Variants in USP46 observed in about 807,000 individuals in gnomAD.
The protein encoded by USP46 is ubiquitin specific peptidase 46, also known as ubiquitin carboxyl-terminal hydrolase 46.
A neutral mutation model predicts 44.4 loss-of-function variants in USP46; 12 were observed. The ratio of observed to expected loss-of-function variants is 0.27; its 90% confidence interval spans 0.17 to 0.44. The LOEUF (loss-of-function observed/expected upper bound fraction) is 0.44, where lower values mean the gene tolerates loss of function less well. Among genes scored for constraint, USP46 ranks in the 20% least tolerant of loss-of-function variants. The probability of loss-of-function intolerance (pLI) is 1.00; values close to 1 mark genes in which losing one functional copy is unlikely to be tolerated. For missense variants in USP46, 248 were observed against 444.8 expected, an observed-to-expected ratio of 0.56 and a Z score of 3.98; for synonymous variants, 155 against 161.5, an observed-to-expected ratio of 0.96 and a Z score of 0.31.
chr4:52,614,674 G>A (rs1217655583), intron 4 of USP46, among the ~76,000 whole-genome samples: 3 of 152,176 alleles, frequency 2.0e-5, no homozygotes, highest in Admixed American at 2.0e-4. Flanking sequence ...ACACCAGTTT[G>A]AAATCCAGAT....
intron 2 of USP46, 60 bp downstream of exon 2, chr4:52,631,004 G>T: frequency 7.2e-7 from 1 of 1,393,646 alleles, no homozygotes; most frequent in Non-Finnish European, 9.9e-7. Context: ...TGCACTTAAA[G>T]TGGAGTTGCT....
At chr4:52,634,994 G>A (rs1718057114) in intron 1 of USP46, among the ~76,000 whole-genome samples, 1 of 151,934 alleles carries the variant, frequency 6.6e-6, no homozygotes, top group African/African-American at 2.4e-5. Context: ...TAGACACCCT[G>A]GATCTGGCCA....
In USP46 at chr4:52,631,115, G is replaced by C. The variant is rs759724456; in HGVS notation, c.66C>G (p.Asp22Glu). ...MGTNASALEK[D>E]IGPEQFPINE... ...TGATTGGAAACTGCTCTGGACCAATGTCTTTTTCCAGAGCAGAGGCATTGG... is the reference window on the plus strand; with the variant it reads ...TGATTGGAAACTGCTCTGGACCAATCTCTTTTTCCAGAGCAGAGGCATTGG... The change falls in exon 2 of 9, where the codon GAC (aspartate) becomes GAG (glutamate). Residue 22 changes from aspartate to glutamate, a missense_variant. Physicochemically the swap from Asp to Glu is conservative, Grantham distance 45. Transcript: ENST00000441222. 6.4e-7 allele frequency: 1 copy of C among 1,566,604 alleles called. No homozygotes were observed. Among genetic ancestry groups the C allele is most frequent in the Non-Finnish European group, 8.7e-7 (1 of 1,153,638 alleles).
chr4:52,645,149 C>T (rs1252198873), intron 1 of USP46, among the ~76,000 whole-genome samples: 2 of 149,620 alleles, frequency 1.3e-5, no homozygotes, highest in Non-Finnish European at 3.0e-5. Context: ...AGCTTGAACC[C>T]GGGAGGCAGA....
At chr4:52,622,005 G>A (rs1421619437) in intron 4 of USP46, among the ~76,000 whole-genome samples, 2 of 152,174 alleles carry the variant, frequency 1.3e-5, no homozygotes, top group African/African-American at 2.4e-5. Flanking sequence ...AGCAAGTTTA[G>A]AAGAATACAT....
Position 52,598,474 on chromosome 4 carries a change from G to A in USP46, c.999+154C>T, listed in dbSNP as rs563273843. 427 of 708,514 alleles carry A rather than the reference G, an allele frequency of 6.0e-4. 2 individuals carry two copies. In the Middle Eastern group the frequency reaches 0.011, roughly 18 times the overall value. 43.9% of individuals were successfully genotyped at this position (708,514 alleles called of 1,614,324 possible). On this transcript the variant is annotated intron_variant, in intron 8 of 8. Transcript: ENST00000441222. Reference sequence around the variant, plus strand: ...CCCTTCTCCCTTTCCATGGAGCATGGGGATTAGCAGAATTTGGTTTTGAAT... The same window carrying A: ...CCCTTCTCCCTTTCCATGGAGCATGAGGATTAGCAGAATTTGGTTTTGAAT...
chr4:52,638,201 G>A (rs1199139385), intron 1 of USP46, among the ~76,000 whole-genome samples: 2 of 152,188 alleles, frequency 1.3e-5, no homozygotes, highest in African/African-American at 4.8e-5. Context: ...CTTCAAGAGA[G>A]GGAGGCAAGA....
intron 6 of USP46, among the ~76,000 whole-genome samples, chr4:52,603,477 C>T (rs189021462): frequency 6.6e-6 from 1 of 152,292 alleles, no homozygotes; most frequent in East Asian, 1.9e-4. Context: ...CAGTATTGAG[C>T]ATCTGCCAGC....
chr4:52,613,542 T>C lies in USP46; in HGVS notation c.562-2925A>G, dbSNP rs533336265. On this transcript the variant is annotated intron_variant, in intron 4 of 8. Transcript: ENST00000441222. ...TTGGAGGCCAGCCTGGCCAAGATGATAAAGCCCCGTCTCTACTAAAAATAC... is the reference window on the plus strand; with the variant it reads ...TTGGAGGCCAGCCTGGCCAAGATGACAAAGCCCCGTCTCTACTAAAAATAC... Among the ~76,000 whole-genome samples, 5 of 152,058 alleles carry C rather than the reference T, an allele frequency of 3.3e-5. No homozygotes were observed. The East Asian group carries it at 9.7e-4, about 29-fold the overall frequency.
intron 1 of USP46, among the ~76,000 whole-genome samples, chr4:52,648,172 G>C (rs1009740903): frequency 6.6e-6 from 1 of 152,142 alleles, no homozygotes; most frequent in Non-Finnish European, 1.5e-5. Context: ...TCAGCCATGT[G>C]CTCACTTGCC....
intron 1 of USP46, among the ~76,000 whole-genome samples, chr4:52,652,146 C>A (rs1277868263): frequency 6.6e-6 from 1 of 152,150 alleles, no homozygotes; most frequent in African/African-American, 2.4e-5. Flanking sequence ...AGATGTTCAA[C>A]CTCCCCTAGC....
At chr4:52,598,823 A>C (rs1716344820) in intron 7 of USP46, 117 bp from the exon 8 acceptor site, 2 of 937,442 alleles carry the variant, frequency 2.1e-6, no homozygotes, top group Non-Finnish European at 3.2e-6. Context: ...CATCAGCGTA[A>C]AGAACTTGGC....
intron 1 of USP46, among the ~76,000 whole-genome samples, chr4:52,632,936 GAA>G (rs1189296864): frequency 8.5e-5 from 5 of 58,758 alleles, no homozygotes; most frequent in African/African-American, 2.6e-4. Flanking sequence ...AAGAAAGAAA[GAA>G]AGAAAGAAAG....
At chr4:52,652,238 T>A (rs1035995305) in intron 1 of USP46, among the ~76,000 whole-genome samples, 3 of 152,110 alleles carry the variant, frequency 2.0e-5, no homozygotes, top group African/African-American at 7.2e-5. Flanking sequence ...TCTAGCAATA[T>A]CAAATATCTG....
At chr4:52,654,116 G>T (rs80099190) in intron 1 of USP46, among the ~76,000 whole-genome samples, 2,518 of 152,206 alleles carry the variant, frequency 0.017, 66 homozygotes, top group African/African-American at 0.056. Flanking sequence ...GTCAGGTCCC[G>T]ACCTAATATA....
chr4:52,619,075 G>A (rs538329173), intron 4 of USP46, among the ~76,000 whole-genome samples: 12 of 152,160 alleles, frequency 7.9e-5, no homozygotes, highest in East Asian at 5.8e-4. Flanking sequence ...CAAATCTTAC[G>A]AACCAAACAA....
At chr4:52,611,491 A>G (rs908088710) in intron 4 of USP46, among the ~76,000 whole-genome samples, 1 of 152,216 alleles carries the variant, frequency 6.6e-6, no homozygotes, top group African/African-American at 2.4e-5. Flanking sequence ...AAATGAAAAC[A>G]ACATTCTTTT....
intron 1 of USP46, among the ~76,000 whole-genome samples, chr4:52,639,863 T>G (rs1234227400): frequency 2.1e-5 from 3 of 145,172 alleles, no homozygotes; most frequent in South Asian, 4.6e-4. Flanking sequence ...TGCCTGGGTT[T>G]TTTTTTTTTT....
chr4:52,639,860 GTTTTTTTTTT>G (rs34078992), intron 1 of USP46, among the ~76,000 whole-genome samples: 2 of 116,620 alleles, frequency 1.7e-5, no homozygotes, highest in Admixed American at 8.9e-5. Context: ...CCATGCCTGG[GTTTTTTTTTT>G]TTTTTTTTTT....
Sources: allele counts gnomAD v4.1 joint callset (sites outside exome capture counted in the v4.1 genomes callset), GRCh38; gene constraint gnomAD v4.1.1; transcripts MANE v1.5; gene names NCBI Gene and HGNC (gene_info 2026-07-23, HGNC 2026-07-21).